The following BSPRY variants were observed in gnomAD, a reference collection of about 807,000 sequenced individuals.
BSPRY encodes the protein B-box and SPRY domain containing.
In BSPRY, 33 loss-of-function variants were observed where a neutral mutation model predicts 38.0. The observed-to-expected ratio is 0.87, with a 90% CI of 0.66 to 1.16. The LOEUF (loss-of-function observed/expected upper bound fraction) is 1.16. Ranked by LOEUF, BSPRY falls within the 50% of genes most tolerant of loss-of-function variation. BSPRY has a pLI of 0.00. For synonymous variants in BSPRY, 224 were observed against 228.5 expected (o/e 0.98, Z 0.18); for missense variants, 523 against 533.2 (o/e 0.98, Z 0.19).
chr9:113,367,921 C>A (rs571833778), intron 4 of BSPRY, among the ~76,000 whole-genome samples: 1 of 151,922 alleles, frequency 6.6e-6, no homozygotes, highest in Non-Finnish European at 1.5e-5. Context: ...GCCTCGAACT[C>A]CTGGGCTTAA....
chr9:113,357,920 ATATATATATATATATATATATATC>A (rs1312535574), intron 2 of BSPRY, among the ~76,000 whole-genome samples: 920 of 28,596 alleles, frequency 0.032, 49 homozygotes, highest in African/African-American at 0.13. Flanking sequence ...ATATATATAT[ATATATATATATATATATATATATC>A]TCTATTAAGC....
At chr9:113,367,940 C>T (rs1834277578) in intron 4 of BSPRY, among the ~76,000 whole-genome samples, 1 of 151,850 alleles carries the variant, frequency 6.6e-6, no homozygotes, top group Non-Finnish European at 1.5e-5. Flanking sequence ...AAGCAATCTT[C>T]CCACCTCAGC....
intron 4 of BSPRY, among the ~76,000 whole-genome samples, chr9:113,364,566 A>G (rs904443331): frequency 6.6e-6 from 1 of 152,226 alleles, no homozygotes; most frequent in African/African-American, 2.4e-5. Context: ...AAAAAGTTGC[A>G]AAGGTAGTAT....
Position 113,360,393 on chromosome 9 carries a change from G to A in BSPRY, c.301-114G>A, listed in dbSNP as rs745978804. ...TGCTATTATTTCCATTACTAAGCCCGTGGCAGACATTGCTAATCAATCTCA... is the reference window on the plus strand; with the variant it reads ...TGCTATTATTTCCATTACTAAGCCCATGGCAGACATTGCTAATCAATCTCA... On this transcript the variant is annotated intron_variant, in intron 2 of 5. Coordinates refer to ENST00000374183, the MANE Select transcript of BSPRY (RefSeq NM_017688.3). The A allele has an allele frequency of 2.0e-5, 19 of 958,408 alleles. No individual in the cohort carries two copies. The South Asian group carries it at 2.4e-4, about 12-fold the overall frequency. 59.4% of individuals were successfully genotyped at this position (958,408 alleles called of 1,614,324 possible).
intron 4 of BSPRY, among the ~76,000 whole-genome samples, chr9:113,363,286 A>AAAAT (rs34885068): frequency 0.39 from 58,874 of 151,460 alleles, 13,212 homozygotes; most frequent in African/African-American, 0.62. Flanking sequence ...TATCTACAAA[A>AAAAT]AAAAAATTAG....
intron 5 of BSPRY, 72 bp from the exon 6 acceptor site, chr9:113,369,544 C>T: frequency 1.3e-6 from 2 of 1,496,792 alleles, no homozygotes; most frequent in South Asian, 2.6e-5. Context: ...GGTGAGGAAC[C>T]TTTTGCTACC....
At chr9:113,352,620 T>C (rs1457824701) in intron 1 of BSPRY, among the ~76,000 whole-genome samples, 1 of 152,226 alleles carries the variant, frequency 6.6e-6, no homozygotes, top group South Asian at 2.1e-4. Flanking sequence ...GTTGGAGAAA[T>C]AAGCTGAGTC....
At chr9:113,356,002 C>T (rs1479841125) in intron 2 of BSPRY, among the ~76,000 whole-genome samples, 1 of 152,156 alleles carries the variant, frequency 6.6e-6, no homozygotes, top group Non-Finnish European at 1.5e-5. Flanking sequence ...TACCATGTGC[C>T]AGATACTGTT....
chr9:113,369,793 C>T lies in BSPRY; in HGVS notation c.860C>T (p.Ala287Val), dbSNP rs1357424085. The T allele has an allele frequency of 1.9e-6, 3 of 1,614,122 alleles. No individual in the cohort carries two copies. In the African/African-American group the frequency reaches 4.0e-5, roughly 22 times the overall value. Reference sequence around the variant, plus strand: ...ACCTCCTTCCAGAATGGGCTCCATGCCTGGATGGTGAATGTCCAGAACAGT... The same window carrying T: ...ACCTCCTTCCAGAATGGGCTCCATGTCTGGATGGTGAATGTCCAGAACAGT... ...AATSFQNGLHAWMVNVQNSCA... is the reference protein window; with the variant it reads ...AATSFQNGLHVWMVNVQNSCA... Residue 287 changes from alanine (A) to valine (V), a missense_variant, in exon 6 of 6, where the codon GCC becomes GTC. Ala to Val is a moderately conservative substitution (Grantham distance 64). Transcript: ENST00000374183.
intron 4 of BSPRY, among the ~76,000 whole-genome samples, chr9:113,363,606 C>T (rs1306583541): frequency 6.6e-6 from 1 of 151,912 alleles, no homozygotes; most frequent in Non-Finnish European, 1.5e-5. Flanking sequence ...GTTTTTTAGG[C>T]CCGGTGGCTC....
intron 1 of BSPRY, among the ~76,000 whole-genome samples, chr9:113,352,480 GACACACACAC>G (rs139828518): frequency 6.7e-6 from 1 of 149,780 alleles, no homozygotes; most frequent in African/African-American, 2.5e-5. Context: ...TGGGGAGTGA[GACACACACAC>G]ACACACACAC....
At chr9:113,361,440 C>T (rs558971946) in intron 3 of BSPRY, among the ~76,000 whole-genome samples, 2 of 152,276 alleles carry the variant, frequency 1.3e-5, no homozygotes, top group African/African-American at 4.8e-5. Flanking sequence ...GGCAGAGTAA[C>T]GAGATGCAGC....
chr9:113,362,838 G>A (rs1283544585), intron 4 of BSPRY, among the ~76,000 whole-genome samples: 1 of 152,174 alleles, frequency 6.6e-6, no homozygotes, highest in Non-Finnish European at 1.5e-5. Flanking sequence ...ACTTAAGTCT[G>A]CATTACCATT....
At position 113,349,723 on chromosome 9, in the gene BSPRY, C is replaced by T. The variant is rs1833939458; in HGVS notation, c.144C>T (p.Gly48=). The T allele has an allele frequency of 1.6e-6, 2 of 1,239,614 alleles. No individual in the cohort carries two copies. Among genetic ancestry groups the T allele is most frequent in the Non-Finnish European group, 2.0e-6 (2 of 994,016 alleles). 76.8% of individuals were successfully genotyped at this position (1,239,614 alleles called of 1,614,324 possible). ...RPVCAACAGL[G]GRCRGHRIRR... is the part of the protein sequence containing the mutation. ...TGTGCGCCGCCTGCGCGGGGTTGGG[C>T]GGTCGCTGCCGGGGGCACCGCATCC... The change falls in exon 1 of 6, where the codon GGC becomes GGT. Residue 48 remains glycine, a synonymous_variant. Coordinates refer to ENST00000374183, the MANE Select transcript of BSPRY (RefSeq NM_017688.3).
rs1398050723 is a variant in BSPRY, at chr9:113,360,587, G to T, written c.381G>T (p.Arg127=). The T allele has an allele frequency of 6.2e-7, 1 of 1,609,232 alleles. No homozygotes were observed. Among genetic ancestry groups the T allele is most frequent in the African/African-American group, 1.3e-5 (1 of 74,986 alleles). The change falls in exon 3 of 6, where the codon CGG becomes CGT. Residue 127 remains arginine (R), a synonymous_variant. Coordinates refer to ENST00000374183, the MANE Select transcript of BSPRY (RefSeq NM_017688.3). The stretch of plus-strand genomic sequence containing the variant: ...GTCTTTGCGAGAGCGAGGAGCAGCG[G>T]TTACTGGAACAGGTGCATGGCGAAG... ...VRSLCESEEQ[R]LLEQVHGEEE...
chr9:113,369,970 G>A lies in BSPRY; in HGVS notation c.1037G>A (p.Gly346Glu). Residue 346 changes from glycine (G) to glutamate (E), a missense_variant, in exon 6 of 6, where the codon GGG (glycine) becomes GAG (glutamate). Physicochemically the swap from Gly to Glu is moderately conservative, Grantham distance 98 (BLOSUM62 -2). Transcript: ENST00000374183. The stretch of plus-strand genomic sequence containing the variant: ...CACAATGGGCAGCACGAGCCCCTGG[G>A]GCTGCTGCGGGGCCCAGCCCAGCTG... ...FSHNGQHEPL[G>E]LLRGPAQLGV... 6.2e-7 allele frequency: 1 copy of A among 1,614,136 alleles called. No homozygotes were observed. Among genetic ancestry groups the A allele is most frequent in the Non-Finnish European group, 8.5e-7 (1 of 1,180,028 alleles).
chr9:113,362,236 T>G, intron 3 of BSPRY, 133 bp from the exon 4 acceptor site: 1 of 747,694 alleles, frequency 1.3e-6, no homozygotes, highest in Non-Finnish European at 2.3e-6. Flanking sequence ...GAAAGCTTTA[T>G]GCTGGTCTTA....
At chr9:113,368,484 T>C in intron 5 of BSPRY, 101 bp downstream of exon 5, 2 of 1,466,578 alleles carry the variant, frequency 1.4e-6, no homozygotes, top group South Asian at 1.3e-5. Context: ...GCTTCTGAGA[T>C]GATAGCTTAA....
Position 113,359,029 on chromosome 9 carries a change from T to TAAAGAAAAGA in BSPRY, c.301-1464_301-1455dup, listed in dbSNP as rs1046708073. On this transcript the variant is annotated intron_variant, in intron 2 of 5. Coordinates refer to ENST00000374183, the MANE Select transcript of BSPRY (RefSeq NM_017688.3). ...GGCATCAGAGCAAGACTGTGTCTCT[T>TAAAGAAAAGA]AAAGAAAAGAAAAGAAAAGAAAAAA... 2.5e-5 allele frequency among the ~76,000 whole-genome samples: 3 copies of TAAAGAAAAGA among 121,502 alleles called. No homozygotes were observed. The Admixed American group carries it at 2.5e-4, about 10-fold the overall frequency. 79.7% of individuals were successfully genotyped at this position (121,502 alleles called of 152,430 possible). A position where few individuals can be genotyped will look rare whatever the true frequency, so the allele number is the denominator to read the frequency against.
Sources: gnomAD v4.1 joint callset for allele counts (sites outside exome capture counted in the v4.1 genomes callset) on GRCh38, gnomAD v4.1.1 for gene constraint, MANE v1.5 for transcripts, NCBI Gene and HGNC (gene_info 2026-07-23, HGNC 2026-07-21) for gene names.